Variants in GPX6 observed in about 807,000 individuals in gnomAD.
GPX6 encodes glutathione peroxidase 6 (olfactory).
GPX6 carries 21 observed loss-of-function variants against 20.0 expected under a neutral mutation model. The ratio of observed to expected loss-of-function variants is 1.05; its 90% CI spans 0.74 to 1.51. GPX6 has a LOEUF of 1.51. Ranked by LOEUF, GPX6 falls within the 40% of genes most tolerant of loss-of-function variation. The probability of loss-of-function intolerance (pLI) is 0.00; values close to 1 mark genes in which losing one functional copy is unlikely to be tolerated. For synonymous variants in GPX6, 75 were observed against 98.0 expected, an observed-to-expected ratio of 0.77 and a Z score of 1.38; for missense variants, 233 against 254.7, an observed-to-expected ratio of 0.91 and a Z score of 0.58.
intron 1 of GPX6, among the ~76,000 whole-genome samples, chr6:28,515,284 G>A (rs990504363): frequency 6.6e-6 from 1 of 152,034 alleles, no homozygotes; most frequent in African/African-American, 2.4e-5. Flanking sequence ...ATCCATTTGC[G>A]ACTTCATGCC....
chr6:28,505,108 G>A (rs1222456444), intron 4 of GPX6, among the ~76,000 whole-genome samples: 17 of 152,186 alleles, frequency 1.1e-4, no homozygotes, highest in African/African-American at 2.2e-4. Flanking sequence ...ATGGGTAAAC[G>A]TAATAGTAAT....
chr6:28,504,159 T>C lies in GPX6; in HGVS notation c.*133A>G, dbSNP rs1762783572. 2.7e-6 allele frequency: 2 copies of C among 727,730 alleles called. No individual in the cohort carries two copies. The highest frequency in any genetic ancestry group is 2.7e-5 in the East Asian group (1 of 37,540). The allele number at this position is 727,730 out of a possible 1,614,324, so 45.1% of individuals were successfully genotyped here. On this transcript the variant is annotated 3_prime_UTR_variant, in exon 5 of 5. Coordinates refer to ENST00000361902, the MANE Select transcript of GPX6 (RefSeq NM_182701.1). The stretch of plus-strand genomic sequence containing the variant: ...ACATGCTAAGCAGGTGCTTGGGTAG[T>C]ACAGGATGGTTTGGTCATCAGGAGG...
Position 28,515,663 on chromosome 6 carries a change from A to C in GPX6, c.81T>G (p.Asn27Lys), listed in dbSNP as rs1482911232. The C allele has an allele frequency of 6.2e-7, 1 of 1,613,528 alleles. No individual in the cohort carries two copies. The highest frequency in any genetic ancestry group is 1.1e-5 in the South Asian group (1 of 91,048). The change falls in exon 1 of 5, where the codon AAT becomes AAG. Residue 27 changes from asparagine (N) to lysine (K), a missense_variant. Coordinates refer to ENST00000361902, the MANE Select transcript of GPX6 (RefSeq NM_182701.1). ...GFAQQTLKPQ[N>K]RKVDCNKGVT... ...TCCCCTGCCCCATGCTCACCTTCCT[A>C]TTTTGAGGCTTTAGGGTCTGCTGAG...
chr6:28,512,851 CGAGGCTTTGCAGCTTCACTCTT>C (rs1180046934), intron 1 of GPX6, among the ~76,000 whole-genome samples: 3 of 151,958 alleles, frequency 2.0e-5, no homozygotes, highest in Non-Finnish European at 4.4e-5. Flanking sequence ...ACACTGACCG[CGAGGCTTTGCAGCTTCACTCTT>C]GAGCCTCTGC....
At chr6:28,506,576 G>GAT in intron 2 of GPX6, 147 bp from the exon 3 acceptor site, 1 of 473,008 alleles carries the variant, frequency 2.1e-6, no homozygotes, top group Non-Finnish European at 3.7e-6. Flanking sequence ...CAAAGGAGTA[G>GAT]AGAAAAAAAA....
chr6:28,506,796 A>G (rs1762811006), intron 2 of GPX6, among the ~76,000 whole-genome samples: 1 of 151,620 alleles, frequency 6.6e-6, no homozygotes, highest in Non-Finnish European at 1.5e-5. Flanking sequence ...TTTGAATGCC[A>G]CTGTCTTCCT....
At chr6:28,513,135 C>T (rs530861657) in intron 1 of GPX6, among the ~76,000 whole-genome samples, 1 of 152,340 alleles carries the variant, frequency 6.6e-6, no homozygotes, top group South Asian at 2.1e-4. Context: ...GCTCCCCCAT[C>T]TGATGAGAGC....
At chr6:28,506,891 C>G (rs1306294579) in intron 2 of GPX6, among the ~76,000 whole-genome samples, 3 of 152,140 alleles carry the variant, frequency 2.0e-5, no homozygotes, top group Non-Finnish European at 4.4e-5. Flanking sequence ...ATCCCCCCGG[C>G]CCCACTCATA....
At chr6:28,506,259 T>A (rs1488922318) in intron 3 of GPX6, 53 bp downstream of exon 3, 3 of 1,044,426 alleles carry the variant, frequency 2.9e-6, no homozygotes, top group Non-Finnish European at 4.5e-6. Context: ...CTAGGTGGAA[T>A]GAGGAATGGA....
chr6:28,505,527 T>C (rs529708177), intron 4 of GPX6, among the ~76,000 whole-genome samples, 176 bp downstream of exon 4: 1 of 152,234 alleles, frequency 6.6e-6, no homozygotes, highest in Non-Finnish European at 1.5e-5. Flanking sequence ...AGAGCTATTG[T>C]CCATCATGGG....
chr6:28,514,387 T>G (rs1762986841), intron 1 of GPX6, among the ~76,000 whole-genome samples: 1 of 152,212 alleles, frequency 6.6e-6, no homozygotes, highest in African/African-American at 2.4e-5. Context: ...GAACACAGCT[T>G]TTAATTCACA....
intron 2 of GPX6, among the ~76,000 whole-genome samples, chr6:28,508,716 A>G (rs2113600070): frequency 6.6e-6 from 1 of 152,042 alleles, no homozygotes; most frequent in African/African-American, 2.4e-5. Context: ...CTGAGGCAAG[A>G]GAATAGCTTG....
Position 28,515,752 on chromosome 6 carries a change from G to A in GPX6, c.-9C>T. ...TGGAACTGCTGGAACATGGCTAGGA[G>A]TTTTAGACGACTCTGAGGTCCCCAG... is the stretch of plus-strand genomic sequence containing the variant. On this transcript the variant is annotated 5_prime_UTR_variant, in exon 1 of 5. Coordinates refer to ENST00000361902, the MANE Select transcript of GPX6 (RefSeq NM_182701.1). 6.2e-7 allele frequency: 1 copy of A among 1,610,860 alleles called. No homozygotes were observed. The highest frequency in any genetic ancestry group is 2.2e-5 in the East Asian group (1 of 44,864).
At chr6:28,515,507 T>C (rs1407089906) in intron 1 of GPX6, 150 bp downstream of exon 1, 1 of 644,338 alleles carries the variant, frequency 1.6e-6, no homozygotes, top group Admixed American at 2.5e-5. Context: ...GAGAGCCTGC[T>C]AAGGATAGCA....
chr6:28,505,612 C>T (rs1288600489), intron 4 of GPX6, 91 bp downstream of exon 4: 5 of 980,310 alleles, frequency 5.1e-6, no homozygotes, highest in Admixed American at 1.8e-5. Context: ...ATCTCTTTTC[C>T]AAGGAGTCCA....
rs749219231 is a variant in GPX6, at chr6:28,504,443, T to C, written c.515A>G (p.Glu172Gly). The C allele has an allele frequency of 1.2e-5, 19 of 1,614,004 alleles. No homozygotes were observed. In the East Asian group the frequency reaches 4.2e-4, roughly 36 times the overall value. ...GCGGATATCATGGACCTTCATGGGC[T>C]CCCAGAAGAGTTGGCTTGATGAGCC... ...LLGSSSQLFW[E>G]PMKVHDIRWN... is the part of the protein sequence containing the mutation. The change falls in exon 5 of 5, where the codon GAG becomes GGG. Residue 172 changes from glutamate (E) to glycine (G), a missense_variant. Glu to Gly is a moderately conservative substitution (Grantham distance 98). Transcript: ENST00000361902.
At chr6:28,509,564 T>G (rs779107104) in intron 2 of GPX6, among the ~76,000 whole-genome samples, 1 of 152,176 alleles carries the variant, frequency 6.6e-6, no homozygotes, top group Non-Finnish European at 1.5e-5. Flanking sequence ...TGTATTATTT[T>G]GATCCACTTC....
At chr6:28,506,577 A>AC in intron 2 of GPX6, 148 bp from the exon 3 acceptor site, 2 of 541,830 alleles carry the variant, frequency 3.7e-6, no homozygotes, top group Non-Finnish European at 3.3e-6. Flanking sequence ...AAAGGAGTAG[A>AC]GAAAAAAAAA....
chr6:28,511,708 C>T (rs1762879203), intron 1 of GPX6, among the ~76,000 whole-genome samples: 1 of 152,284 alleles, frequency 6.6e-6, no homozygotes, highest in Non-Finnish European at 1.5e-5. Context: ...TCGCTCTCCG[C>T]GCCTCCTCGG....
Sources: allele counts gnomAD v4.1 joint callset (sites outside exome capture counted in the v4.1 genomes callset), GRCh38; gene constraint gnomAD v4.1.1; transcripts MANE v1.5; gene names NCBI Gene and HGNC (gene_info 2026-07-23, HGNC 2026-07-21).